Variants in MMD2 observed in about 807,000 individuals in gnomAD.
MMD2 encodes monocyte to macrophage differentiation associated 2, also known as monocyte to macrophage differentiation factor 2.
Under a neutral mutation model 33.5 loss-of-function variants are expected in MMD2, and 30 were observed. The ratio of observed to expected loss-of-function variants is 0.90; its 90% CI spans 0.67 to 1.22. The LOEUF (loss-of-function observed/expected upper bound fraction) is 1.22, where lower values mean the gene tolerates loss of function less well. Ranked by LOEUF, MMD2 falls within the 50% of genes most tolerant of loss-of-function variation. The probability of loss-of-function intolerance (pLI) is 0.00; values close to 1 mark genes in which losing one functional copy is unlikely to be tolerated. For synonymous variants in MMD2, 129 were observed against 123.0 expected, an observed-to-expected ratio of 1.05 and a Z score of -0.32; for missense variants, 364 against 325.4, an observed-to-expected ratio of 1.12 and a Z score of -0.91.
At chr7:4,898,063 C>G in the MMD2 span, among the ~76,000 whole-genome samples, 56,965 of 152,012 alleles carry the variant, frequency 0.37, 11,224 homozygotes, top group South Asian at 0.49. Flanking sequence ...CCTTCTAAAC[C>G]CTCCTGACCT....
intron 1 of MMD2, among the ~76,000 whole-genome samples, chr7:4,941,344 T>C (rs1785903384): frequency 6.6e-6 from 1 of 152,154 alleles, no homozygotes; most frequent in Admixed American, 6.6e-5. Context: ...AAAAGGACAC[T>C]TCTGACCGGG....
chr7:4,947,743 A>G (rs1475134128), intron 1 of MMD2, among the ~76,000 whole-genome samples: 2 of 111,256 alleles, frequency 1.8e-5, no homozygotes, highest in African/African-American at 3.6e-5. Flanking sequence ...TCTGTTGCCC[A>G]GGCTGGAGCA....
intron 4 of MMD2, among the ~76,000 whole-genome samples, chr7:4,915,408 A>C (rs2115095987): frequency 6.6e-6 from 1 of 152,178 alleles, no homozygotes; most frequent in Non-Finnish European, 1.5e-5. Context: ...ATATGTGTAT[A>C]TATGTAGACA....
At chr7:4,956,781 G>C (rs186741424) in intron 1 of MMD2, among the ~76,000 whole-genome samples, 69 of 152,310 alleles carry the variant, frequency 4.5e-4, no homozygotes, top group South Asian at 2.5e-3. Context: ...CGGGCTGGTT[G>C]CTGAGACTTC....
chr7:4,894,850 AC>A, the MMD2 span, among the ~76,000 whole-genome samples: 1 of 151,956 alleles, frequency 6.6e-6, no homozygotes, highest in Admixed American at 6.6e-5. This position sits in a 1 kb window ranked among gnomAD's most constrained non-coding sequence, Gnocchi z 4.3. Flanking sequence ...GGTCACCCAA[AC>A]AAGTTGAAGG....
At chr7:4,934,358 A>G (rs1409377120) in intron 1 of MMD2, among the ~76,000 whole-genome samples, 1 of 152,040 alleles carries the variant, frequency 6.6e-6, no homozygotes, top group African/African-American at 2.4e-5. Flanking sequence ...CCCGCCTCTG[A>G]CTCCCAGAGT....
rs1012726977 is a variant in MMD2 at position 4,911,350 on chromosome 7, T to C, written c.366-104A>G. On this transcript the variant is annotated intron_variant, in intron 4 of 6. Transcript: ENST00000401401. ...GGAAATGGACCCCAGGGAAGTCCTG[T>C]CACCTGTGACTCCACGGCTGGGACA... 5 of 866,704 alleles carry C rather than the reference T, an allele frequency of 5.8e-6. No individual in the cohort carries two copies. The African/African-American group carries it at 8.5e-5, about 15-fold the overall frequency. The allele number at this position is 866,704 out of a possible 1,614,324, so 53.7% of individuals were successfully genotyped here. A position where few individuals can be genotyped will look rare whatever the true frequency, so the allele number is the denominator to read the frequency against.
intron 1 of MMD2, among the ~76,000 whole-genome samples, chr7:4,945,412 G>A (rs951006831): frequency 6.6e-6 from 1 of 150,996 alleles, no homozygotes; most frequent in South Asian, 2.1e-4. Context: ...GGGACTACAG[G>A]TGCCCGCCAC....
At position 4,956,169 on chromosome 7, in the gene MMD2, TC is replaced by T. The variant is rs545998487; in HGVS notation, c.47+2801del. Among the ~76,000 whole-genome samples the T allele has an allele frequency of 2.3e-3, 349 of 152,256 alleles. 1 individual carries two copies. Among genetic ancestry groups the T allele is most frequent in the African/African-American group, 8.1e-3 (337 of 41,540 alleles). On this transcript the variant is annotated intron_variant, in intron 1 of 6. Coordinates refer to ENST00000401401, the MANE Select transcript of MMD2 (RefSeq NM_198403.4). ...TGGGTGCAGTGGCTCATGCCTGTAA[TC>T]CCAACACTTCAGGAGGCTGAGGCAG...
intron 1 of MMD2, among the ~76,000 whole-genome samples, chr7:4,945,239 C>CTTCTTCTTCTTCTTCTTCTTCCT (rs71033001): frequency 7.0e-6 from 1 of 142,112 alleles, no homozygotes; most frequent in Non-Finnish European, 1.5e-5. Context: ...TCTTCTTCTT[C>CTTCTTCTTCTTCTTCTTCTTCCT]CTCTCTCTCT....
chr7:4,892,660 G>C, the MMD2 span, among the ~76,000 whole-genome samples: 329 of 151,960 alleles, frequency 2.2e-3, 1 homozygote, highest in African/African-American at 7.4e-3. Flanking sequence ...AAGCAGGACA[G>C]GTAGAACATA....
chr7:4,933,033 A>G (rs1314055777), intron 1 of MMD2, among the ~76,000 whole-genome samples: 1 of 152,036 alleles, frequency 6.6e-6, no homozygotes, highest in East Asian at 1.9e-4. Flanking sequence ...TTGAAAGTGA[A>G]AAGAAACTGT....
chr7:4,923,458 G>A (rs1309811711), intron 2 of MMD2, among the ~76,000 whole-genome samples: 1 of 152,142 alleles, frequency 6.6e-6, no homozygotes, highest in African/African-American at 2.4e-5. Flanking sequence ...ACTTGTCAAT[G>A]TGCCTACATT....
downstream of MMD2, among the ~76,000 whole-genome samples, chr7:4,904,621 A>G (rs1337469529): frequency 2.6e-5 from 4 of 152,198 alleles, no homozygotes; most frequent in African/African-American, 4.8e-5. Flanking sequence ...TGGAAAGCCA[A>G]CAGAACTAAT....
Position 4,920,224 on chromosome 7 carries a change from G to C in MMD2, c.237C>G (p.Leu79=), listed in dbSNP as rs773853800. Residue 79 remains leucine (L), a synonymous_variant, in exon 3 of 7, where the codon CTC becomes CTG. Transcript: ENST00000401401. ...AWIYGLGLCG[L]FVVSTVFHTI... ...TGTGAAACACAGTGGACACCACGAA[G>C]AGGCCGCAGAGGCCGAGGCCGTAGA... The C allele has an allele frequency of 1.3e-6, 2 of 1,583,682 alleles. No homozygotes were observed. The highest frequency in any genetic ancestry group is 1.7e-4 in the Middle Eastern group (1 of 6,034).
Position 4,953,084 on chromosome 7 carries a change from C to T in MMD2, c.47+5887G>A, listed in dbSNP as rs546412356. 9.7e-4 allele frequency among the ~76,000 whole-genome samples: 147 copies of T among 152,080 alleles called. 1 individual carries two copies. Among genetic ancestry groups the T allele is most frequent in the Non-Finnish European group, 1.5e-3 (102 of 67,994 alleles). On this transcript the variant is annotated intron_variant, in intron 1 of 6. Transcript: ENST00000401401. Reference sequence around the variant, plus strand: ...CAAACTCCTGGCCTCAAGTAATCCACCGGGATTACAGGCATGATACACCAT... The same window carrying T: ...CAAACTCCTGGCCTCAAGTAATCCATCGGGATTACAGGCATGATACACCAT...
At chr7:4,905,291 A>T (rs1332733773), downstream of MMD2, among the ~76,000 whole-genome samples, 1 of 149,952 alleles carries the variant, frequency 6.7e-6, no homozygotes, top group Non-Finnish European at 1.5e-5. This position sits in a 1 kb window ranked among gnomAD's most constrained non-coding sequence, Gnocchi z 5.0. Flanking sequence ...AGGAAGAAGA[A>T]GAAGAAGAGG....
Position 4,909,944 on chromosome 7 carries a change from C to G in MMD2, c.474G>C (p.Lys158Asn), listed in dbSNP as rs773458392. The change falls in exon 6 of 7, where the codon AAG becomes AAC. Residue 158 changes from lysine to asparagine, a missense_variant. Transcript: ENST00000401401. ...IYVFFFHERYKLVELLCYVVM... is the reference protein window; with the variant it reads ...IYVFFFHERYNLVELLCYVVM... ...CGACGTAGCAGAGAAGCTCCACAAG[C>G]TTGTACCTGGCAGGAAGACAAGCCG... 1.2e-6 allele frequency: 2 copies of G among 1,613,952 alleles called. No homozygotes were observed. Among genetic ancestry groups the G allele is most frequent in the Non-Finnish European group, 1.7e-6 (2 of 1,179,894 alleles).
chr7:4,951,417 C>A (rs538317234), intron 1 of MMD2, among the ~76,000 whole-genome samples: 1 of 152,194 alleles, frequency 6.6e-6, no homozygotes, highest in East Asian at 1.9e-4. Context: ...CCTCACCAGA[C>A]CCTGCCCTGG....
Sources: gnomAD v4.1 joint callset for allele counts (sites outside exome capture counted in the v4.1 genomes callset) on GRCh38, gnomAD v4.1.1 for gene constraint, Gnocchi (gnomAD v3.1) non-coding constraint, MANE v1.5 for transcripts, NCBI Gene and HGNC (gene_info 2026-07-23, HGNC 2026-07-21) for gene names.